TEX14: variants seen among roughly 807,000 people sequenced by gnomAD.
TEX14 encodes the protein inactive serine/threonine-protein kinase TEX14.
A neutral mutation model predicts 178.6 loss-of-function variants in TEX14; 168 were observed. That is an observed-to-expected ratio of 0.94 (90% CI 0.83 to 1.07). TEX14 has a LOEUF of 1.07. Ranked by LOEUF, TEX14 falls within the 50% of genes least tolerant of loss-of-function variation. TEX14 has a pLI of 0.00. For synonymous variants in TEX14, 626 were observed against 634.1 expected (o/e 0.99, Z 0.19); for missense variants, 1,730 against 1,753.6 (o/e 0.99, Z 0.24).
rs1194790511 is a variant in TEX14 at position 58,621,649 on chromosome 17, C to T, written c.554+1G>A. The stretch of plus-strand genomic sequence containing the variant: ...CCCACTCTGCTCAAGGCAGTACTCA[C>T]CCCTGCACGAGGCCCCCACACCAGG... On this transcript the variant is annotated splice_donor_variant, in intron 5 of 31. Transcript: ENST00000349033. LOFTEE classifies it high-confidence loss of function. 2 of 1,612,882 alleles carry T rather than the reference C, an allele frequency of 1.2e-6. No homozygotes were observed. Among genetic ancestry groups the T allele is most frequent in the Non-Finnish European group, 1.7e-6 (2 of 1,179,366 alleles).
rs1156478537 is a variant in TEX14 at position 58,569,085 on chromosome 17, T to C, written c.3886+107A>G. The C allele has an allele frequency of 2.2e-6, 2 of 903,662 alleles. No individual in the cohort carries two copies. The highest frequency in any genetic ancestry group is 3.3e-6 in the Non-Finnish European group (2 of 608,466). The allele number at this position is 903,662 out of a possible 1,614,324, so 56.0% of individuals were successfully genotyped here. The stretch of plus-strand genomic sequence containing the variant: ...CTTCCTATATTCAACCAGGCCATCA[T>C]ACAGCCTTTTATACTAGTGTTCACA... On this transcript the variant is annotated intron_variant, in intron 26 of 31. Coordinates refer to ENST00000349033, the MANE Select transcript of TEX14 (RefSeq NM_031272.5). This position sits in a 1 kb window ranked among gnomAD's most constrained non-coding sequence, Gnocchi z 4.1.
intron 1 of TEX14, chr17:58,659,450 AT>A (rs1334798789): frequency 2.6e-6 from 1 of 381,592 alleles, no homozygotes; most frequent in Non-Finnish European, 3.6e-6. Context: ...CTTCTTTGGT[AT>A]TCGCTAGAAA....
chr17:58,571,910 G>T lies in TEX14; in HGVS notation c.3717+11C>A. On this transcript the variant is annotated intron_variant, in intron 24 of 31. Coordinates refer to ENST00000349033, the MANE Select transcript of TEX14 (RefSeq NM_031272.5). ...CTCCATGAGTTTGTAACGTGGAATTGATATACTTACAAGACCAGTCAGTCT... is the reference window on the plus strand; with the variant it reads ...CTCCATGAGTTTGTAACGTGGAATTTATATACTTACAAGACCAGTCAGTCT... 6.2e-7 allele frequency: 1 copy of T among 1,611,548 alleles called. No individual in the cohort carries two copies. The highest frequency in any genetic ancestry group is 1.1e-5 in the South Asian group (1 of 91,010).
chr17:58,604,265 G>A (rs183645005), intron 11 of TEX14, among the ~76,000 whole-genome samples: 24 of 151,532 alleles, frequency 1.6e-4, no homozygotes, highest in Admixed American at 1.4e-3. Context: ...AAGGTCAAGC[G>A]ATCGAGACCA....
intron 2 of TEX14, among the ~76,000 whole-genome samples, chr17:58,636,400 G>T (rs906491473): frequency 5.3e-5 from 8 of 152,130 alleles, no homozygotes; most frequent in African/African-American, 1.9e-4. Flanking sequence ...CTCCAGATGG[G>T]TCAGTCACCT....
intron 16 of TEX14, 32 bp downstream of exon 16, chr17:58,587,864 A>AC: frequency 1.4e-6 from 1 of 734,670 alleles, no homozygotes; most frequent in Non-Finnish European, 2.1e-6. Context: ...CCCCCGCTCC[A>AC]CCACCAGTTT....
chr17:58,601,337 A>G (rs544711322), intron 13 of TEX14, among the ~76,000 whole-genome samples: 1 of 152,272 alleles, frequency 6.6e-6, no homozygotes, highest in South Asian at 2.1e-4. Flanking sequence ...CCTGGCCAAC[A>G]TGGTGAAACC....
At chr17:58,590,273 A>C (rs2045096880) in intron 15 of TEX14, among the ~76,000 whole-genome samples, 3 of 151,400 alleles carry the variant, frequency 2.0e-5, no homozygotes, top group East Asian at 3.9e-4. Context: ...AAAAAAAAAA[A>C]AAAAAAACCA....
chr17:58,609,116 G>GC, intron 10 of TEX14, among the ~76,000 whole-genome samples: 1 of 152,078 alleles, frequency 6.6e-6, no homozygotes, highest in East Asian at 1.9e-4. Flanking sequence ...CGGCTCCCCT[G>GC]CTTTTTTTCT....
chr17:58,652,197 G>C (rs888510442), intron 1 of TEX14, among the ~76,000 whole-genome samples, 195 bp from the exon 2 acceptor site: 12 of 152,044 alleles, frequency 7.9e-5, no homozygotes, highest in African/African-American at 2.7e-4. Context: ...TGAATATACT[G>C]TTGAATATAG....
intron 2 of TEX14, among the ~76,000 whole-genome samples, chr17:58,641,488 T>TTTATTATTATTATTATTATTATTATTA (rs373086043): frequency 7.0e-6 from 1 of 143,646 alleles, no homozygotes; most frequent in Admixed American, 7.1e-5. Flanking sequence ...TTCTCTTTTA[T>TTTATTATTATTATTATTATTATTATTA]TTATTATTAT....
chr17:58,598,028 T>C (rs1185947666), intron 14 of TEX14, among the ~76,000 whole-genome samples: 1 of 151,818 alleles, frequency 6.6e-6, no homozygotes. Flanking sequence ...GAACCCAGAG[T>C]CTAGGCCAGG....
chr17:58,558,780 C>T (rs938723585), intron 30 of TEX14, among the ~76,000 whole-genome samples: 1 of 152,158 alleles, frequency 6.6e-6, no homozygotes, highest in Admixed American at 6.5e-5. Context: ...TACTTGTAGA[C>T]TCCACTTAAA....
chr17:58,562,460 A>G (rs533211566), intron 28 of TEX14, among the ~76,000 whole-genome samples: 2 of 152,268 alleles, frequency 1.3e-5, no homozygotes, highest in African/African-American at 4.8e-5. Context: ...GAAGAGGAAG[A>G]GACAACAATA....
intron 1 of TEX14, among the ~76,000 whole-genome samples, chr17:58,669,733 C>CA (rs71367615): frequency 0.035 from 1,948 of 55,348 alleles, 104 homozygotes; most frequent in African/African-American, 0.068. Flanking sequence ...GACTCCGTCT[C>CA]AAAAAAAAAA....
In TEX14 at chr17:58,569,684, G is replaced by A. The variant is rs535271343; in HGVS notation, c.3818-424C>T. Among the ~76,000 whole-genome samples the A allele has an allele frequency of 5.9e-5, 9 of 152,302 alleles. No homozygotes were observed. The highest frequency in any genetic ancestry group is 2.2e-4 in the African/African-American group (9 of 41,568). On this transcript the variant is annotated intron_variant, in intron 25 of 31. Transcript: ENST00000349033. This position sits in a 1 kb window ranked among gnomAD's most constrained non-coding sequence, Gnocchi z 4.1. ...ATATTATCAGGCCAGGGGATTTAGA[G>A]GCAACCACACTTTGGGTCTTGCCCC...
intron 20 of TEX14, among the ~76,000 whole-genome samples, chr17:58,578,464 T>C (rs949772135): frequency 6.6e-6 from 1 of 152,082 alleles, no homozygotes; most frequent in African/African-American, 2.4e-5. Flanking sequence ...CTGCATCCTG[T>C]ACCCCTGTTG....
chr17:58,613,445 T>C lies in TEX14; in HGVS notation c.981A>G (p.Thr327=). The part of the protein sequence containing the change: ...RLVYERITIG[T]LFSVLHERRS... The stretch of plus-strand genomic sequence containing the variant: ...CTCGTTCATGAAGGACACTGAACAA[T>C]GTGCCGATAGTGATGCGCTCGTACA... The change falls in exon 9 of 32, where the codon ACA becomes ACG. Residue 327 remains threonine, a synonymous_variant. Coordinates refer to ENST00000349033, the MANE Select transcript of TEX14 (RefSeq NM_031272.5). The C allele has an allele frequency of 6.2e-7, 1 of 1,614,110 alleles. No individual in the cohort carries two copies. The highest frequency in any genetic ancestry group is 1.1e-5 in the South Asian group (1 of 91,080).
intron 14 of TEX14, among the ~76,000 whole-genome samples, chr17:58,595,216 TAAAG>T (rs2045251918): frequency 6.6e-6 from 1 of 152,134 alleles, no homozygotes; most frequent in Admixed American, 6.5e-5. Flanking sequence ...ACTAAGAAAT[TAAAG>T]AAATAAACTT....
Sources: allele counts gnomAD v4.1 joint callset (sites outside exome capture counted in the v4.1 genomes callset), GRCh38; gene constraint gnomAD v4.1.1; non-coding constraint Gnocchi (gnomAD v3.1); transcripts MANE v1.5; gene names NCBI Gene and HGNC (gene_info 2026-07-23, HGNC 2026-07-21).